The following RBBP8NL variants were observed in gnomAD, a reference collection of about 807,000 sequenced individuals.
RBBP8NL encodes RBBP8 N-terminal like.
RBBP8NL carries 59 observed loss-of-function variants against 62.2 expected under a neutral mutation model. The ratio of observed to expected loss-of-function variants is 0.95; its 90% CI spans 0.77 to 1.18. The LOEUF (loss-of-function observed/expected upper bound fraction) is 1.18, where lower values mean the gene tolerates loss of function less well. Among genes scored for constraint, RBBP8NL ranks in the 50% most tolerant of loss-of-function variants. RBBP8NL has a pLI of 0.00. For synonymous variants in RBBP8NL, 412 were observed against 394.1 expected, an observed-to-expected ratio of 1.05 and a Z score of -0.54; for missense variants, 896 against 899.5, an observed-to-expected ratio of 1.00 and a Z score of 0.05.
intron 1 of RBBP8NL, 105 bp from the exon 2 acceptor site, chr20:62,419,835 A>G: frequency 1.6e-6 from 1 of 606,774 alleles, no homozygotes; most frequent in East Asian, 2.9e-5. Context: ...AGCAGACCCC[A>G]TGCCATGCTG....
intron 1 of RBBP8NL, among the ~76,000 whole-genome samples, chr20:62,426,095 C>T (rs1362562270): frequency 2.7e-5 from 4 of 147,118 alleles, no homozygotes; most frequent in Non-Finnish European, 4.5e-5. Context: ...GAAGTAGCAG[C>T]GGCAGCGGCA....
intron 1 of RBBP8NL, among the ~76,000 whole-genome samples, chr20:62,424,818 G>A (rs1164263740): frequency 2.6e-5 from 2 of 77,988 alleles, no homozygotes; most frequent in Admixed American, 1.1e-4. Context: ...CCACTCAGAG[G>A]GGGCAGAGGT....
intron 1 of RBBP8NL, among the ~76,000 whole-genome samples, chr20:62,422,062 C>A (rs561822007): frequency 4.5e-4 from 68 of 152,316 alleles, no homozygotes; most frequent in African/African-American, 1.6e-3. Flanking sequence ...GACCACTCTC[C>A]ATGGTGGCCA....
intron 1 of RBBP8NL, among the ~76,000 whole-genome samples, chr20:62,421,415 G>A (rs1292651102): frequency 1.9e-5 from 2 of 103,988 alleles, no homozygotes; most frequent in African/African-American, 9.2e-5. Context: ...GAGTGTGCGT[G>A]TGTGTGCCGT....
At chr20:62,424,127 G>A (rs536226488) in intron 1 of RBBP8NL, among the ~76,000 whole-genome samples, 1 of 152,078 alleles carries the variant, frequency 6.6e-6, no homozygotes, top group Non-Finnish European at 1.5e-5. Context: ...TGAGAGAGCT[G>A]AGCTCTGGTC....
At chr20:62,423,745 C>T (rs1482061017) in intron 1 of RBBP8NL, among the ~76,000 whole-genome samples, 1 of 152,178 alleles carries the variant, frequency 6.6e-6, no homozygotes, top group Admixed American at 6.5e-5. Flanking sequence ...CCCGAAACCA[C>T]CTGCAGCACT....
intron 6 of RBBP8NL, 52 bp from the exon 7 acceptor site, chr20:62,415,997 A>G (rs1348046556): frequency 6.7e-7 from 1 of 1,490,400 alleles, no homozygotes; most frequent in African/African-American, 1.4e-5. Flanking sequence ...ATCTCGGGAG[A>G]TGATCAGAAA....
In RBBP8NL at chr20:62,414,454, G is replaced by T; in HGVS notation, c.897C>A (p.His299Gln). 6.7e-7 allele frequency: 1 copy of T among 1,494,352 alleles called. No homozygotes were observed. Among genetic ancestry groups the T allele is most frequent in the Non-Finnish European group, 8.9e-7 (1 of 1,118,242 alleles). 92.6% of individuals were successfully genotyped at this position (1,494,352 alleles called of 1,614,324 possible). ...LCLLNRPLSLHLQSPHSSPLA... is the reference protein window; with the variant it reads ...LCLLNRPLSLQLQSPHSSPLA... ...GGGGGCTGCTGTGGGGGCTCTGAAG[G>T]TGCAGGGACAGGGGGCGGTTTAGGA... The change falls in exon 10 of 14, where the codon CAC becomes CAA. Residue 299 changes from histidine to glutamine, a missense_variant. Coordinates refer to ENST00000252998, the MANE Select transcript of RBBP8NL (RefSeq NM_080833.3).
At chr20:62,413,724 G>C (rs1161643356) in intron 10 of RBBP8NL, 97 bp downstream of exon 10, 1 of 1,451,550 alleles carries the variant, frequency 6.9e-7, no homozygotes, top group Admixed American at 2.6e-5. Context: ...TTGGTGGGCA[G>C]AGGGAAAAGA....
intron 1 of RBBP8NL, among the ~76,000 whole-genome samples, chr20:62,426,018 G>A (rs900163763): frequency 1.4e-4 from 8 of 58,714 alleles, no homozygotes; most frequent in South Asian, 7.5e-4. Flanking sequence ...CAGTGGCAGC[G>A]GCAGTGGCAT....
At chr20:62,425,318 G>A (rs140165750) in intron 1 of RBBP8NL, among the ~76,000 whole-genome samples, 3 of 152,194 alleles carry the variant, frequency 2.0e-5, no homozygotes, top group Non-Finnish European at 2.9e-5. Flanking sequence ...TGCCACAAAG[G>A]CCTTGTGCAG....
chr20:62,427,213 T>G (rs1379510334), intron 1 of RBBP8NL, among the ~76,000 whole-genome samples: 1 of 152,188 alleles, frequency 6.6e-6, no homozygotes, highest in African/African-American at 2.4e-5. Context: ...GGTGCCAGAC[T>G]AGGCCTGGCC....
chr20:62,415,806 C>A lies in RBBP8NL; in HGVS notation c.526G>T (p.Val176Leu). The A allele has an allele frequency of 6.2e-7, 1 of 1,612,356 alleles. No individual in the cohort carries two copies. Among genetic ancestry groups the A allele is most frequent in the South Asian group, 1.1e-5 (1 of 91,078 alleles). ...HEEAEEDHQG[V>L]GLRGEEKPAG... is the part of the protein sequence containing the mutation. ...ACAGCACCTTCTCCCCGTAGGCCCACGCCCTGGTGGTCTTCCTCAGCCTCC... is the reference window on the plus strand; with the variant it reads ...ACAGCACCTTCTCCCCGTAGGCCCAAGCCCTGGTGGTCTTCCTCAGCCTCC... The change falls in exon 7 of 14, where the codon GTG (valine) becomes TTG (leucine). Residue 176 changes from valine (V) to leucine (L), a missense_variant. By Grantham distance (32) the Val-to-Leu change is conservative (BLOSUM62 1). Coordinates refer to ENST00000252998, the MANE Select transcript of RBBP8NL (RefSeq NM_080833.3).
At position 62,413,946 on chromosome 20, in the gene RBBP8NL, C is replaced by A. The variant is rs779708200; in HGVS notation, c.1405G>T (p.Ala469Ser). The A allele has an allele frequency of 3.8e-6, 6 of 1,583,650 alleles. No homozygotes were observed. Among genetic ancestry groups the A allele is most frequent in the Non-Finnish European group, 4.3e-6 (5 of 1,166,250 alleles). ...AGQHGSLSPAAAHTASPEPPT... is the reference protein window; with the variant it reads ...AGQHGSLSPASAHTASPEPPT... ...GGCTCGGGGCTGGCAGTGTGGGCAG[C>A]GGCAGGGCTGAGTGACCCATGCTGG... The change falls in exon 10 of 14, where the codon GCT becomes TCT. Residue 469 changes from alanine to serine, a missense_variant. Transcript: ENST00000252998.
intron 2 of RBBP8NL, 121 bp downstream of exon 2, chr20:62,419,466 G>T (rs1988652238): frequency 9.5e-7 from 1 of 1,056,238 alleles, no homozygotes; most frequent in Non-Finnish European, 1.4e-6. Context: ...AAAAGACGGG[G>T]TCCATTCCCT....
intron 1 of RBBP8NL, among the ~76,000 whole-genome samples, chr20:62,421,877 T>C (rs1473643665): frequency 6.6e-6 from 1 of 151,740 alleles, no homozygotes; most frequent in Non-Finnish European, 1.5e-5. Flanking sequence ...TGCATCTGTT[T>C]TTGCTCTGTG....
In RBBP8NL at chr20:62,410,809, C is replaced by T; in HGVS notation, c.*69G>A. The T allele has an allele frequency of 9.4e-7, 1 of 1,059,880 alleles. No homozygotes were observed. Among genetic ancestry groups the T allele is most frequent in the Non-Finnish European group, 1.4e-6 (1 of 698,554 alleles). 65.7% of individuals were successfully genotyped at this position (1,059,880 alleles called of 1,614,324 possible). A position where few individuals can be genotyped will look rare whatever the true frequency, so the allele number is the denominator to read the frequency against. The stretch of plus-strand genomic sequence containing the variant: ...GGCTGCCTGCTGGTTGGATGGTGTG[C>T]CCTCTCCAGGCCCTGGTGGGCAGGT... On this transcript the variant is annotated 3_prime_UTR_variant, in exon 14 of 14. Coordinates refer to ENST00000252998, the MANE Select transcript of RBBP8NL (RefSeq NM_080833.3).
chr20:62,417,930 C>A (rs573090162), intron 3 of RBBP8NL, among the ~76,000 whole-genome samples: 74 of 96,482 alleles, frequency 7.7e-4, no homozygotes, highest in Non-Finnish European at 1.3e-3. Context: ...CCACGCAACG[C>A]CCCCCCAGTC....
intron 1 of RBBP8NL, among the ~76,000 whole-genome samples, chr20:62,424,298 G>GT (rs1319025673): frequency 1.3e-5 from 2 of 152,030 alleles, no homozygotes; most frequent in South Asian, 2.1e-4. Context: ...TGGGCCGTGG[G>GT]GGGGGCAGGT....
Sources: gnomAD v4.1 joint callset for allele counts (sites outside exome capture counted in the v4.1 genomes callset) on GRCh38, gnomAD v4.1.1 for gene constraint, MANE v1.5 for transcripts, NCBI Gene and HGNC (gene_info 2026-07-23, HGNC 2026-07-21) for gene names.